Variants in NAV3 observed in about 807,000 individuals in gnomAD.
NAV3 encodes the protein neuron navigator 3, also known as pore membrane and/or filament interacting like protein 1.
Under a neutral mutation model 244.7 loss-of-function variants are expected in NAV3, and 87 were observed. The ratio of observed to expected loss-of-function variants is 0.36; its 90% confidence interval spans 0.30 to 0.42. The LOEUF is 0.42. Ranked by LOEUF, NAV3 falls within the 20% of genes least tolerant of loss-of-function variation. The pLI, the probability that NAV3 is intolerant of heterozygous loss-of-function variation, is 1.00. For synonymous variants in NAV3, 1,126 were observed against 1,042.2 expected (o/e 1.08, Z -1.55); for missense variants, 2,663 against 2,893.3 (o/e 0.92, Z 1.83).
chr12:77,997,809 G>A (rs999820513), intron 6 of NAV3, among the ~76,000 whole-genome samples: 4 of 152,188 alleles, frequency 2.6e-5, no homozygotes, highest in Admixed American at 1.3e-4. Context: ...TTTCATTAGT[G>A]TAGCTAAGTA....
At chr12:77,633,023 T>G (rs927862120) in intron 2 of NAV3, among the ~76,000 whole-genome samples, 2 of 152,172 alleles carry the variant, frequency 1.3e-5, no homozygotes, top group Admixed American at 6.5e-5. Flanking sequence ...ATTTAGGGGT[T>G]CATATTCAGA....
chr12:77,756,738 T>G (rs1315314803), intron 2 of NAV3, among the ~76,000 whole-genome samples: 2 of 152,220 alleles, frequency 1.3e-5, no homozygotes, highest in Non-Finnish European at 2.9e-5. Flanking sequence ...AACTAAAGTA[T>G]GAAATTACTT....
At chr12:77,976,993 T>A (rs1473238768) in intron 5 of NAV3, among the ~76,000 whole-genome samples, 1 of 152,084 alleles carries the variant, frequency 6.6e-6, no homozygotes, top group Admixed American at 6.6e-5. Context: ...ATTCTCAATA[T>A]TAATTTTGAC....
chr12:77,690,677 G>A (rs1345934331), intron 2 of NAV3, among the ~76,000 whole-genome samples: 1 of 20,478 alleles, frequency 4.9e-5, no homozygotes, highest in Non-Finnish European at 1.1e-4. Context: ...ATTTTCTAGA[G>A]CCTCAGTTTT....
chr12:77,757,195 C>A (rs1242026757), intron 2 of NAV3, among the ~76,000 whole-genome samples: 1 of 152,180 alleles, frequency 6.6e-6, no homozygotes, highest in Non-Finnish European at 1.5e-5. Context: ...TGTGAGACTG[C>A]ACATCGGTTC....
intron 16 of NAV3, among the ~76,000 whole-genome samples, chr12:78,125,952 A>G (rs1438962998): frequency 6.6e-6 from 1 of 152,218 alleles, no homozygotes; most frequent in Middle Eastern, 3.2e-3. Context: ...GAAATAAATA[A>G]TCCTTAAAAT....
At chr12:78,060,263 A>G (rs1884132663) in intron 12 of NAV3, among the ~76,000 whole-genome samples, 1 of 152,188 alleles carries the variant, frequency 6.6e-6, no homozygotes. Context: ...CTGAAATAGG[A>G]ACTGTATACA....
At chr12:77,591,516 G>T (rs1381054840) in intron 2 of NAV3, among the ~76,000 whole-genome samples, 1 of 152,186 alleles carries the variant, frequency 6.6e-6, no homozygotes, top group Admixed American at 6.5e-5. Context: ...GAAGAAGCTT[G>T]TAGTTGGAGA....
intron 34 of NAV3, among the ~76,000 whole-genome samples, chr12:78,194,385 CT>C (rs1406442652): frequency 5.3e-5 from 8 of 151,966 alleles, no homozygotes; most frequent in African/African-American, 1.4e-4. Flanking sequence ...TCCCTTCTCT[CT>C]TTTTTTGGGA....
At chr12:77,593,691 G>C (rs1209604483) in intron 2 of NAV3, among the ~76,000 whole-genome samples, 1 of 149,670 alleles carries the variant, frequency 6.7e-6, no homozygotes, top group Non-Finnish European at 1.5e-5. Flanking sequence ...GGCCAGGGTG[G>C]TATAGATCTC....
rs777182284 is a variant in NAV3, at chr12:77,940,394, A to G, written c.319A>G (p.Ile107Val). Residue 107 changes from isoleucine (I) to valine (V), a missense_variant, in exon 2 of 40, where the codon ATT becomes GTT. Physicochemically the swap from Ile to Val is conservative, Grantham distance 29. This residue lies in a region of NAV3 where 1,521 missense variants were observed against 1,497.0 expected (regional missense o/e 1.02). Coordinates refer to ENST00000397909, the MANE Select transcript of NAV3 (RefSeq NM_001024383.2). ...KRLIKDLQQDIADGVLLAEII... is the reference protein window; with the variant it reads ...KRLIKDLQQDVADGVLLAEII... ...GCTGATCAAGGACTTGCAACAAGAC[A>G]TTGCAGATGGAGTACTCCTAGCAGA... The G allele has an allele frequency of 6.2e-7, 1 of 1,613,932 alleles. No homozygotes were observed. The highest frequency in any genetic ancestry group is 1.1e-5 in the South Asian group (1 of 91,072).
chr12:77,686,088 G>A (rs191770805), intron 2 of NAV3, among the ~76,000 whole-genome samples: 18 of 152,254 alleles, frequency 1.2e-4, no homozygotes, highest in Admixed American at 7.9e-4. Context: ...TAACTGTCCT[G>A]ATATATTCAG....
chr12:77,741,681 G>A (rs927064957), intron 2 of NAV3, among the ~76,000 whole-genome samples: 1 of 152,064 alleles, frequency 6.6e-6, no homozygotes, highest in Non-Finnish European at 1.5e-5. Flanking sequence ...TTGAATAAAA[G>A]GGTGGCGCAA....
intron 36 of NAV3, 172 bp from the exon 37 acceptor site, chr12:78,199,163 A>G: frequency 1.4e-6 from 1 of 690,664 alleles, no homozygotes; most frequent in Non-Finnish European, 2.6e-6. Flanking sequence ...CTCTCATCCT[A>G]GTAGACCTCC....
At chr12:77,664,185 A>G (rs1873608529) in intron 2 of NAV3, among the ~76,000 whole-genome samples, 1 of 152,198 alleles carries the variant, frequency 6.6e-6, no homozygotes, top group Non-Finnish European at 1.5e-5. Context: ...TAATATTATT[A>G]ATATTTAATG....
At chr12:78,004,477 T>A (rs1190384132) in intron 7 of NAV3, among the ~76,000 whole-genome samples, 1 of 152,222 alleles carries the variant, frequency 6.6e-6, no homozygotes, top group Non-Finnish European at 1.5e-5. Context: ...TTTAAATATG[T>A]GCATTAGAAA....
intron 12 of NAV3, among the ~76,000 whole-genome samples, chr12:78,100,057 T>C (rs1157105017): frequency 6.6e-6 from 1 of 151,902 alleles, no homozygotes; most frequent in African/African-American, 2.4e-5. Context: ...GTGTATAAAG[T>C]TTATTGGTTG....
intron 2 of NAV3, among the ~76,000 whole-genome samples, chr12:77,655,290 C>G (rs867483191): frequency 0.039 from 5,890 of 151,980 alleles, 185 homozygotes; most frequent in African/African-American, 0.051. Flanking sequence ...AGCCAAGGCT[C>G]GAGAACTACG....
intron 1 of NAV3, among the ~76,000 whole-genome samples, chr12:77,902,658 G>A (rs1486296123): frequency 6.6e-6 from 1 of 152,128 alleles, no homozygotes; most frequent in Non-Finnish European, 1.5e-5. Flanking sequence ...TCAGGCAGGA[G>A]AAGGAAATAA....
Sources: allele counts gnomAD v4.1 joint callset (sites outside exome capture counted in the v4.1 genomes callset), GRCh38; gene constraint gnomAD v4.1.1; regional missense constraint gnomAD v4.1.1; transcripts MANE v1.5; gene names NCBI Gene and HGNC (gene_info 2026-07-23, HGNC 2026-07-21).